Variants in DLGAP2 observed in about 807,000 individuals in gnomAD.
DLGAP2 encodes the protein DLG associated protein 2.
Under a neutral mutation model 100.3 loss-of-function variants are expected in DLGAP2, and 26 were observed. The observed-to-expected ratio is 0.26, with a 90% CI of 0.19 to 0.36. DLGAP2 has a LOEUF of 0.36. Ranked by LOEUF, DLGAP2 falls within the 10% of genes least tolerant of loss-of-function variation. The pLI is 1.00. For missense variants in DLGAP2, 1,858 were observed against 1,453.2 expected, an observed-to-expected ratio of 1.28 and a Z score of -4.53; for synonymous variants, 886 against 630.1, an observed-to-expected ratio of 1.41 and a Z score of -6.08.
chr8:1,253,971 G>A (rs77774268), intron 2 of DLGAP2, among the ~76,000 whole-genome samples: 5,581 of 152,290 alleles, frequency 0.037, 305 homozygotes, highest in African/African-American at 0.12. Context: ...TCTGTGGTCA[G>A]TTTTGACGCA....
At chr8:1,077,036 A>G (rs1175923254) in intron 2 of DLGAP2, among the ~76,000 whole-genome samples, 2 of 150,696 alleles carry the variant, frequency 1.3e-5, no homozygotes, top group Non-Finnish European at 3.0e-5. Context: ...GGCCCCCCCA[A>G]GACCAAGAGG....
intron 2 of DLGAP2, among the ~76,000 whole-genome samples, chr8:1,225,060 A>G (rs1212965871): frequency 3.3e-5 from 5 of 152,258 alleles, no homozygotes; most frequent in African/African-American, 9.6e-5. Context: ...AAAACTTAAA[A>G]TGGAAAAGAA....
chr8:1,455,504 G>T (rs903965695), intron 3 of DLGAP2, among the ~76,000 whole-genome samples: 1 of 152,200 alleles, frequency 6.6e-6, no homozygotes, highest in Non-Finnish European at 1.5e-5. Flanking sequence ...TGTCCTTCAC[G>T]CCTGAGCAGG....
chr8:1,178,728 C>A (rs1393946360), intron 2 of DLGAP2, among the ~76,000 whole-genome samples: 1 of 152,226 alleles, frequency 6.6e-6, no homozygotes, highest in East Asian at 1.9e-4. Context: ...CAGTGCTTTT[C>A]TTCCCCTTTG....
chr8:1,368,625 T>A (rs1802166094), intron 3 of DLGAP2: 1 of 152,248 alleles, frequency 6.6e-6, no homozygotes, highest in Non-Finnish European at 1.5e-5. Context: ...TCAAGATGAC[T>A]AAGATGTTTA....
In DLGAP2 at chr8:1,548,877, C is replaced by T. The variant is rs767095220; in HGVS notation, c.424C>T (p.His142Tyr). The change falls in exon 5 of 15, where the codon CAC (histidine) becomes TAC (tyrosine). Residue 142 changes from histidine to tyrosine, a missense_variant. Coordinates refer to ENST00000637795, the MANE Select transcript of DLGAP2 (RefSeq NM_001346810.2). Reference protein sequence around the residue: ...RHRCSPRSSVHSECVMMPVVL... With the variant: ...RHRCSPRSSVYSECVMMPVVL... ...CCGCTGCTCGCCGCGCAGCTCGGTG[C>T]ACTCGGAGTGCGTGATGATGCCGGT... The T allele has an allele frequency of 3.8e-6, 6 of 1,594,162 alleles. No homozygotes were observed. Among genetic ancestry groups the T allele is most frequent in the South Asian group, 2.2e-5 (2 of 90,166 alleles).
Position 1,501,240 on chromosome 8 carries a change from G to T in DLGAP2, c.107-126G>T, listed in dbSNP as rs576803513. On this transcript the variant is annotated intron_variant, in intron 3 of 14. Transcript: ENST00000637795. ...TGCTGGGCTCTGAGCGGTGACGTTTGAAGAAATACAAAGGTGTCTGTCATG... is the reference window on the plus strand; with the variant it reads ...TGCTGGGCTCTGAGCGGTGACGTTTTAAGAAATACAAAGGTGTCTGTCATG... 9.8e-6 allele frequency: 10 copies of T among 1,018,608 alleles called. No individual in the cohort carries two copies. In the Admixed American group the frequency reaches 2.2e-4, roughly 23 times the overall value. The allele number at this position is 1,018,608 out of a possible 1,614,324, so 63.1% of individuals were successfully genotyped here. A position where few individuals can be genotyped will look rare whatever the true frequency, so the allele number is the denominator to read the frequency against.
chr8:1,667,104 G>T (rs1226392178), intron 8 of DLGAP2, among the ~76,000 whole-genome samples: 1 of 152,198 alleles, frequency 6.6e-6, no homozygotes, highest in Admixed American at 6.5e-5. Context: ...TTTGCACTCT[G>T]ATGAGGGGAG....
intron 3 of DLGAP2, among the ~76,000 whole-genome samples, chr8:1,279,331 C>A (rs1050147029): frequency 4.6e-5 from 7 of 152,112 alleles, no homozygotes; most frequent in East Asian, 1.9e-4. Flanking sequence ...TAATTGCCTG[C>A]CATGAATGAA....
chr8:1,523,479 AGGGCCGGATG>A (rs1800681223), intron 4 of DLGAP2, among the ~76,000 whole-genome samples: 1 of 152,086 alleles, frequency 6.6e-6, no homozygotes, highest in Non-Finnish European at 1.5e-5. Context: ...GCCAGATCTC[AGGGCCGGATG>A]GGGCTGTGGA....
intron 1 of DLGAP2, among the ~76,000 whole-genome samples, chr8:773,188 T>C (rs1028941355): frequency 6.6e-6 from 1 of 152,220 alleles, no homozygotes; most frequent in African/African-American, 2.4e-5. Flanking sequence ...GGCTGGTTTC[T>C]GCAAAGGCCT....
chr8:1,522,290 C>T (rs1307338137), intron 4 of DLGAP2, among the ~76,000 whole-genome samples: 1 of 152,238 alleles, frequency 6.6e-6, no homozygotes, highest in Non-Finnish European at 1.5e-5. Flanking sequence ...TCTGTTTCTT[C>T]AAGCTGTGTC....
intron 1 of DLGAP2, among the ~76,000 whole-genome samples, chr8:845,685 T>A (rs1157923583): frequency 6.6e-6 from 1 of 152,268 alleles, no homozygotes; most frequent in African/African-American, 2.4e-5. Context: ...CCAGTTTATT[T>A]CTTTTTTTGC....
intron 3 of DLGAP2, among the ~76,000 whole-genome samples, chr8:1,280,552 G>C (rs963957720): frequency 1.3e-5 from 2 of 152,196 alleles, no homozygotes; most frequent in African/African-American, 2.4e-5. Flanking sequence ...GTGGCTCAAA[G>C]TTAAAGAACT....
intron 2 of DLGAP2, among the ~76,000 whole-genome samples, chr8:1,108,565 G>A (rs1804849524): frequency 6.7e-6 from 1 of 149,632 alleles, no homozygotes; most frequent in African/African-American, 2.5e-5. Flanking sequence ...AGTGTGCTGG[G>A]TCTGTGAGGT....
At chr8:1,697,094 C>T in intron 13 of DLGAP2, 53 bp from the exon 14 acceptor site, 1 of 1,466,760 alleles carries the variant, frequency 6.8e-7, no homozygotes, top group South Asian at 1.5e-5. Context: ...CCTCCCCAGC[C>T]CTGTGCCCGC....
intron 2 of DLGAP2, among the ~76,000 whole-genome samples, chr8:1,033,985 C>G (rs13272347): frequency 1.1e-5 from 1 of 92,418 alleles, no homozygotes; most frequent in African/African-American, 4.0e-5. Flanking sequence ...CGTGAGTGGA[C>G]TCACACCCTC....
intron 2 of DLGAP2, among the ~76,000 whole-genome samples, chr8:1,113,748 T>G (rs1311839092): frequency 7.9e-5 from 12 of 152,148 alleles, no homozygotes; most frequent in Non-Finnish European, 1.6e-4. Context: ...ATGGGACTAG[T>G]GAGAGTCGGC....
At chr8:1,536,188 C>A (rs561318482) in intron 4 of DLGAP2, among the ~76,000 whole-genome samples, 22 of 152,088 alleles carry the variant, frequency 1.4e-4, no homozygotes, top group Non-Finnish European at 2.6e-4. Context: ...GCCAGGGCAC[C>A]GTGGTTCTGG....
Sources: allele counts gnomAD v4.1 joint callset (sites outside exome capture counted in the v4.1 genomes callset), GRCh38; gene constraint gnomAD v4.1.1; transcripts MANE v1.5; gene names NCBI Gene and HGNC (gene_info 2026-07-23, HGNC 2026-07-21).